RAB21: variants seen among roughly 807,000 people sequenced by gnomAD.
RAB21 encodes RAB21, member RAS oncogene family.
In RAB21, 13 loss-of-function variants were observed where a neutral mutation model predicts 33.1. That is an observed-to-expected ratio of 0.39 (90% CI 0.26 to 0.62). RAB21 has a LOEUF of 0.62. Ranked by LOEUF, RAB21 falls within the 20% of genes least tolerant of loss-of-function variation. RAB21 has a pLI of 0.48. For missense variants in RAB21, 234 were observed against 279.1 expected (o/e 0.84, Z 1.15); for synonymous variants, 91 against 103.7 (o/e 0.88, Z 0.74).
chr12:71,782,454 A>G lies in RAB21; in HGVS notation c.447-116A>G, dbSNP rs529637985. 2.8e-4 allele frequency: 180 copies of G among 642,504 alleles called. 2 individuals carry two copies. In the South Asian group the frequency reaches 4.8e-3, roughly 17 times the overall value. The allele number at this position is 642,504 out of a possible 1,614,324, so 39.8% of individuals were successfully genotyped here. A position where few individuals can be genotyped will look rare whatever the true frequency, so the allele number is the denominator to read the frequency against. ...GAATTTAAATAGCTATATAAACTTA[A>G]TTTCACTAAACTTGAGTAAATTAAT... On this transcript the variant is annotated intron_variant, in intron 5 of 6. Transcript: ENST00000261263.
intron 1 of RAB21, among the ~76,000 whole-genome samples, chr12:71,765,789 CTA>C (rs1385304157): frequency 2.0e-5 from 3 of 152,068 alleles, no homozygotes; most frequent in Non-Finnish European, 4.4e-5. Context: ...TCTGCGTTCT[CTA>C]TTGTTCCATT....
chr12:71,756,940 A>G (rs1882793484), intron 1 of RAB21, among the ~76,000 whole-genome samples: 1 of 152,190 alleles, frequency 6.6e-6, no homozygotes. Context: ...TGGCAGTAAT[A>G]TTACCACAAG....
At position 71,799,763 on chromosome 12, in the gene RAB21, G is replaced by A. The variant is rs966451000; in HGVS notation, c.*14090G>A. 1.3e-5 allele frequency: 2 copies of A among 152,052 alleles called. No individual in the cohort carries two copies. The highest frequency in any genetic ancestry group is 2.9e-5 in the Non-Finnish European group (2 of 67,970). 9.4% of individuals were successfully genotyped at this position (152,052 alleles called of 1,614,324 possible). The stretch of plus-strand genomic sequence containing the variant: ...TGAACAAGTATAGTAGACAATTGAA[G>A]TATAGTAAAGATAAAATTAATTGCA... On this transcript the variant is annotated 3_prime_UTR_variant, in exon 7 of 7. Transcript: ENST00000261263.
rs1315721039 is a variant in RAB21, at chr12:71,799,251, T to A, written c.*13578T>A. ...TGTAGTTCCCCCAGTGAATCATGTT[T>A]GTGTCACTGTGGGATTCATTCCCAT... is the stretch of plus-strand genomic sequence containing the variant. On this transcript the variant is annotated 3_prime_UTR_variant, in exon 7 of 7. Transcript: ENST00000261263. 1 of 152,250 alleles carries A rather than the reference T, an allele frequency of 6.6e-6. No individual in the cohort carries two copies. Among genetic ancestry groups the A allele is most frequent in the Admixed American group, 6.5e-5 (1 of 15,282 alleles). The allele number at this position is 152,250 out of a possible 1,614,324, so 9.4% of individuals were successfully genotyped here.
At chr12:71,781,047 G>A (rs1206163189) in intron 4 of RAB21, among the ~76,000 whole-genome samples, 1 of 152,158 alleles carries the variant, frequency 6.6e-6, no homozygotes, top group South Asian at 2.1e-4. Context: ...TGTTCTGATG[G>A]CTTTTTTTAA....
In RAB21 at chr12:71,782,088, A is replaced by G; in HGVS notation, c.446+3A>G. 6.2e-7 allele frequency: 1 copy of G among 1,606,312 alleles called. No homozygotes were observed. Among genetic ancestry groups the G allele is most frequent in the Non-Finnish European group, 8.5e-7 (1 of 1,173,458 alleles). On this transcript the variant is annotated splice_donor_region_variant and intron_variant, in intron 5 of 6. Coordinates refer to ENST00000261263, the MANE Select transcript of RAB21 (RefSeq NM_014999.4). ...GTTTCCATTCAAGAAGCAGAGTCGT[A>G]AGTACTGTGACCCTCCCATTCCCCA...
rs897343876 is a variant in RAB21, at chr12:71,795,325, AG to A, written c.*9653del. 2 of 152,226 alleles carry A rather than the reference AG, an allele frequency of 1.3e-5. No individual in the cohort carries two copies. Among genetic ancestry groups the A allele is most frequent in the Non-Finnish European group, 2.9e-5 (2 of 68,042 alleles). 9.4% of individuals were successfully genotyped at this position (152,226 alleles called of 1,614,324 possible). A position where few individuals can be genotyped will look rare whatever the true frequency, so the allele number is the denominator to read the frequency against. Reference sequence around the variant, plus strand: ...AAGCAGCAGCAGCTGTTCTAAGCCAAGCACTGCTTGAAAACAAAACAAAACA... The same window carrying A: ...AAGCAGCAGCAGCTGTTCTAAGCCAACACTGCTTGAAAACAAAACAAAACA... On this transcript the variant is annotated 3_prime_UTR_variant, in exon 7 of 7. Coordinates refer to ENST00000261263, the MANE Select transcript of RAB21 (RefSeq NM_014999.4).
chr12:71,774,013 T>C lies in RAB21; in HGVS notation c.382T>C (p.Cys128Arg), dbSNP rs1267232603. 1 of 1,585,262 alleles carries C rather than the reference T, an allele frequency of 6.3e-7. No individual in the cohort carries two copies. The highest frequency in any genetic ancestry group is 8.6e-7 in the Non-Finnish European group (1 of 1,165,756). ...RKMLGNEICLCIVGNKIDLEK... is the reference protein window; with the variant it reads ...RKMLGNEICLRIVGNKIDLEK... ...AATGTTGGGAAATGAAATCTGTTTA[T>C]GTATAGTTGGTAAGCATCATTACTT... Residue 128 changes from cysteine (C) to arginine (R), a missense_variant, in exon 4 of 7, where the codon TGT (cysteine) becomes CGT (arginine). By Grantham distance (180) the Cys-to-Arg change is radical. Coordinates refer to ENST00000261263, the MANE Select transcript of RAB21 (RefSeq NM_014999.4).
In RAB21 at chr12:71,793,850, A is replaced by G. The variant is rs11178947; in HGVS notation, c.*8177A>G. On this transcript the variant is annotated 3_prime_UTR_variant, in exon 7 of 7. Coordinates refer to ENST00000261263, the MANE Select transcript of RAB21 (RefSeq NM_014999.4). Reference sequence around the variant, plus strand: ...CTAGGTTCTAGGCTAATAATTTACTACTTTGGTATGTTGCCTTGAGGCTGA... The same window carrying G: ...CTAGGTTCTAGGCTAATAATTTACTGCTTTGGTATGTTGCCTTGAGGCTGA... 0.1 allele frequency: 15,650 copies of G among 152,202 alleles called. 1,137 individuals are homozygous for G. The highest frequency in any genetic ancestry group is 0.33 in the East Asian group (1,687 of 5,176). The allele number at this position is 152,202 out of a possible 1,614,324, so 9.4% of individuals were successfully genotyped here. A position where few individuals can be genotyped will look rare whatever the true frequency, so the allele number is the denominator to read the frequency against.
At chr12:71,758,866 AGGTGT>A (rs1350209102) in intron 1 of RAB21, among the ~76,000 whole-genome samples, 1 of 152,188 alleles carries the variant, frequency 6.6e-6, no homozygotes, top group African/African-American at 2.4e-5. Context: ...AAATAATTCC[AGGTGT>A]GGTGGTTTGA....
At chr12:71,783,411 AATC>A (rs1883231458) in intron 6 of RAB21, among the ~76,000 whole-genome samples, 1 of 151,696 alleles carries the variant, frequency 6.6e-6, no homozygotes, top group East Asian at 1.9e-4. Flanking sequence ...AATTTGATGA[AATC>A]ATGGTTTTTC....
chr12:71,757,942 T>C (rs1238995093), intron 1 of RAB21, among the ~76,000 whole-genome samples: 1 of 152,182 alleles, frequency 6.6e-6, no homozygotes, highest in Non-Finnish European at 1.5e-5. Context: ...GTCCCCCTTT[T>C]TTTTTTTAAC....
At chr12:71,780,750 A>T (rs1700970252) in intron 4 of RAB21, among the ~76,000 whole-genome samples, 1 of 152,194 alleles carries the variant, frequency 6.6e-6, no homozygotes, top group Non-Finnish European at 1.5e-5. Context: ...TCAGTGCTAA[A>T]CATTTTATCT....
At chr12:71,755,575 C>T (rs113627093) in intron 1 of RAB21, among the ~76,000 whole-genome samples, 21 of 152,302 alleles carry the variant, frequency 1.4e-4, no homozygotes, top group African/African-American at 5.1e-4. Context: ...CTGTTTTTTC[C>T]CATTTACTGC....
rs1883508096 is a variant in RAB21 at position 71,799,392 on chromosome 12, T to C, written c.*13719T>C. On this transcript the variant is annotated 3_prime_UTR_variant, in exon 7 of 7. Transcript: ENST00000261263. ...TAAAATATCTATAATGGCTTCTGTT[T>C]CCTGCATTGAAAGCTGACTGATCTG... is the stretch of plus-strand genomic sequence containing the variant. 2.0e-5 allele frequency: 3 copies of C among 152,268 alleles called. No homozygotes were observed. Among genetic ancestry groups the C allele is most frequent in the Admixed American group, 6.5e-5 (1 of 15,280 alleles). The allele number at this position is 152,268 out of a possible 1,614,324, so 9.4% of individuals were successfully genotyped here. A position where few individuals can be genotyped will look rare whatever the true frequency, so the allele number is the denominator to read the frequency against.
At chr12:71,768,771 G>A (rs986852575) in intron 1 of RAB21, among the ~76,000 whole-genome samples, 1 of 152,160 alleles carries the variant, frequency 6.6e-6, no homozygotes, top group Admixed American at 6.6e-5. Context: ...AAAAGGTTCA[G>A]TGCTATACAG....
chr12:71,776,095 C>T (rs1242391220), intron 4 of RAB21, among the ~76,000 whole-genome samples: 1 of 152,086 alleles, frequency 6.6e-6, no homozygotes, highest in Non-Finnish European at 1.5e-5. Flanking sequence ...GGTATATGGA[C>T]TTACTAGGAG....
At chr12:71,779,028 T>C (rs754528869) in intron 4 of RAB21, among the ~76,000 whole-genome samples, 6 of 152,264 alleles carry the variant, frequency 3.9e-5, no homozygotes, top group Admixed American at 1.3e-4. Context: ...GTCATTAATA[T>C]TAATAACTGT....
intron 6 of RAB21, among the ~76,000 whole-genome samples, chr12:71,783,033 T>G (rs1024864885): frequency 1.3e-5 from 2 of 151,228 alleles, no homozygotes; most frequent in East Asian, 3.9e-4. Flanking sequence ...TGAAAAAGAG[T>G]GTTTGTGAAA....
Sources: allele counts gnomAD v4.1 joint callset (sites outside exome capture counted in the v4.1 genomes callset), GRCh38; gene constraint gnomAD v4.1.1; transcripts MANE v1.5; gene names NCBI Gene and HGNC (gene_info 2026-07-23, HGNC 2026-07-21).